GPR158: variants seen among roughly 807,000 people sequenced by gnomAD.
GPR158 encodes metabotropic glycine receptor.
A neutral mutation model predicts 78.2 loss-of-function variants in GPR158; 30 were observed. The ratio of observed to expected loss-of-function variants is 0.38; its 90% confidence interval spans 0.29 to 0.52. The LOEUF is 0.52. GPR158 is among the 20% of genes least tolerant of loss of function. GPR158 has a pLI of 0.83. For synonymous variants in GPR158, 581 were observed against 591.1 expected, an observed-to-expected ratio of 0.98 and a Z score of 0.25; for missense variants, 1,463 against 1,523.5, an observed-to-expected ratio of 0.96 and a Z score of 0.66.
chr10:25,237,500 T>C (rs1853540201), intron 2 of GPR158, among the ~76,000 whole-genome samples: 1 of 152,242 alleles, frequency 6.6e-6, no homozygotes, highest in Non-Finnish European at 1.5e-5. Flanking sequence ...AAACTGCATA[T>C]GCCATAATGA....
chr10:25,573,510 G>T (rs1397239518), intron 7 of GPR158, among the ~76,000 whole-genome samples: 1 of 152,328 alleles, frequency 6.6e-6, no homozygotes, highest in Non-Finnish European at 1.5e-5. Context: ...ATCATGGCTT[G>T]GGCCCAAAAC....
chr10:25,308,631 G>T (rs1010921085), intron 2 of GPR158, among the ~76,000 whole-genome samples: 8 of 151,968 alleles, frequency 5.3e-5, no homozygotes, highest in African/African-American at 1.9e-4. Context: ...CATCTTTCAT[G>T]CAACAATCAC....
intron 2 of GPR158, among the ~76,000 whole-genome samples, chr10:25,333,767 A>G (rs1251018715): frequency 2.0e-5 from 3 of 152,180 alleles, no homozygotes; most frequent in African/African-American, 7.2e-5. Context: ...CTCAAAGGAC[A>G]TAGTGGTTCT....
intron 5 of GPR158, among the ~76,000 whole-genome samples, chr10:25,531,973 C>A (rs76215032): frequency 3.3e-5 from 5 of 152,108 alleles, no homozygotes; most frequent in African/African-American, 1.2e-4. Flanking sequence ...TTATTTCTGC[C>A]TGGAGCATGG....
chr10:25,385,684 C>T (rs1442216709), intron 2 of GPR158, among the ~76,000 whole-genome samples: 1 of 152,132 alleles, frequency 6.6e-6, no homozygotes, highest in East Asian at 1.9e-4. Context: ...GATAATATCT[C>T]GTTGTGGTTT....
At chr10:25,384,621 T>C (rs1400012846) in intron 2 of GPR158, among the ~76,000 whole-genome samples, 3 of 152,218 alleles carry the variant, frequency 2.0e-5, no homozygotes, top group Non-Finnish European at 2.9e-5. Context: ...GATTTTTTTT[T>C]CTGACACCTC....
chr10:25,300,533 CTTTGGGATTG>C (rs201454251), intron 2 of GPR158, among the ~76,000 whole-genome samples: 1,901 of 151,928 alleles, frequency 0.013, 46 homozygotes, highest in African/African-American at 0.043. Context: ...GTGTGGGCAT[CTTTGGGATTG>C]GAAGGTTGGG....
intron 5 of GPR158, among the ~76,000 whole-genome samples, chr10:25,482,835 T>C (rs1835678817): frequency 6.6e-6 from 1 of 152,086 alleles, no homozygotes; most frequent in African/African-American, 2.4e-5. Context: ...CCAAACCTGC[T>C]CTTCCAGCAA....
At chr10:25,510,181 T>G (rs1337454589) in intron 5 of GPR158, among the ~76,000 whole-genome samples, 1 of 152,034 alleles carries the variant, frequency 6.6e-6, no homozygotes, top group African/African-American at 2.4e-5. Context: ...GAAAATAGAG[T>G]CTTCCACAGA....
chr10:25,280,601 A>G (rs1053608209), intron 2 of GPR158, among the ~76,000 whole-genome samples: 4 of 152,234 alleles, frequency 2.6e-5, no homozygotes, highest in Non-Finnish European at 1.5e-5. Context: ...ACGTTGACTT[A>G]ATGTACATAC....
intron 4 of GPR158, among the ~76,000 whole-genome samples, chr10:25,458,169 A>G (rs908552082): frequency 6.6e-6 from 1 of 152,174 alleles, no homozygotes; most frequent in Non-Finnish European, 1.5e-5. Flanking sequence ...TCACCTATAA[A>G]TTATGCTGTA....
intron 5 of GPR158, among the ~76,000 whole-genome samples, chr10:25,507,281 T>A (rs998035578): frequency 6.6e-6 from 1 of 152,192 alleles, no homozygotes; most frequent in African/African-American, 2.4e-5. Context: ...AAGAGAAGAA[T>A]ATTTTTGAAC....
At chr10:25,510,085 C>A (rs190302568) in intron 5 of GPR158, among the ~76,000 whole-genome samples, 89 of 152,266 alleles carry the variant, frequency 5.8e-4, no homozygotes, top group Middle Eastern at 3.4e-3. Context: ...CTGGACGAGG[C>A]AGTTACAAGG....
At chr10:25,451,257 A>G (rs548954236) in intron 4 of GPR158, among the ~76,000 whole-genome samples, 72 of 152,304 alleles carry the variant, frequency 4.7e-4, no homozygotes, top group African/African-American at 1.6e-3. Context: ...TTGCCTACCC[A>G]AAGGATTCAT....
intron 2 of GPR158, among the ~76,000 whole-genome samples, chr10:25,361,378 A>G (rs2130534077): frequency 6.6e-6 from 1 of 152,068 alleles, no homozygotes; most frequent in Admixed American, 6.6e-5. Flanking sequence ...GGTATTGTAT[A>G]TAGTGCCACT....
At chr10:25,593,015 G>A (rs1467588346) in intron 8 of GPR158, among the ~76,000 whole-genome samples, 1 of 151,376 alleles carries the variant, frequency 6.6e-6, no homozygotes, top group Non-Finnish European at 1.5e-5. Context: ...CAAGGTATGT[G>A]TTTTTCTCAC....
intron 7 of GPR158, among the ~76,000 whole-genome samples, chr10:25,579,617 C>G (rs1837159773): frequency 6.6e-6 from 1 of 152,110 alleles, no homozygotes; most frequent in Non-Finnish European, 1.5e-5. Flanking sequence ...ACCTTACCTG[C>G]AAGAAACAAC....
intron 5 of GPR158, among the ~76,000 whole-genome samples, chr10:25,504,392 C>T: frequency 6.6e-6 from 1 of 152,134 alleles, no homozygotes; most frequent in East Asian, 1.9e-4. Flanking sequence ...TTATTTGCTC[C>T]AAGGGGTTGA....
At chr10:25,195,255 G>C (rs1852828710) in intron 1 of GPR158, among the ~76,000 whole-genome samples, 2 of 151,594 alleles carry the variant, frequency 1.3e-5, no homozygotes, top group African/African-American at 4.8e-5. Flanking sequence ...ACCCAGGCTG[G>C]AGTGCAGTGG....
Sources: allele counts gnomAD v4.1 joint callset (sites outside exome capture counted in the v4.1 genomes callset), GRCh38; gene constraint gnomAD v4.1.1; transcripts MANE v1.5; gene names NCBI Gene and HGNC (gene_info 2026-07-23, HGNC 2026-07-21).